Variants in RIMBP2 observed in about 807,000 individuals in gnomAD.
The protein encoded by RIMBP2 is RIMS binding protein 2.
Under a neutral mutation model 118.6 loss-of-function variants are expected in RIMBP2, and 48 were observed. The observed-to-expected ratio is 0.40, with a 90% CI of 0.32 to 0.51. RIMBP2 has a LOEUF of 0.51. RIMBP2 is among the 20% of genes least tolerant of loss of function. The probability of loss-of-function intolerance (pLI) is 0.41; values close to 1 mark genes in which losing one functional copy is unlikely to be tolerated. For missense variants in RIMBP2, 1,551 were observed against 1,768.3 expected (o/e 0.88, Z 2.20); for synonymous variants, 762 against 742.9 (o/e 1.03, Z -0.42).
At chr12:130,610,599 C>T (rs1213588971) in intron 2 of RIMBP2, among the ~76,000 whole-genome samples, 9 of 111,476 alleles carry the variant, frequency 8.1e-5, no homozygotes, top group Admixed American at 5.8e-4. Flanking sequence ...CTCGCTCTGT[C>T]GCCCAGGCTG....
chr12:130,445,972 G>A (rs2078483188), intron 9 of RIMBP2, among the ~76,000 whole-genome samples: 1 of 151,834 alleles, frequency 6.6e-6, no homozygotes, highest in African/African-American at 2.4e-5. Context: ...AAGGTCTTGG[G>A]TGTGGACAGT....
At chr12:130,564,050 A>C in intron 2 of RIMBP2, among the ~76,000 whole-genome samples, 2 of 141,318 alleles carry the variant, frequency 1.4e-5, no homozygotes, top group Non-Finnish European at 3.1e-5. Context: ...GGGCCCTTGC[A>C]CCTCTCTCTG....
chr12:130,583,460 G>C lies in RIMBP2; in HGVS notation c.-217+44862C>G, dbSNP rs531138155. ...ACTACTATTACATCATCACTATCAT[G>C]ACCATTACATCACCATCACCATCAC... On this transcript the variant is annotated intron_variant, in intron 2 of 22. Coordinates refer to ENST00000690449, the MANE Select transcript of RIMBP2 (RefSeq NM_001393629.1). Among the ~76,000 whole-genome samples the C allele has an allele frequency of 7.8e-5, 8 of 103,078 alleles. No individual in the cohort carries two copies. The Admixed American group carries it at 8.8e-4, about 11-fold the overall frequency. The allele number at this position is 103,078 out of a possible 152,430, so 67.6% of individuals were successfully genotyped here. A position where few individuals can be genotyped will look rare whatever the true frequency, so the allele number is the denominator to read the frequency against.
At chr12:130,632,257 C>T (rs1052738615) in intron 1 of RIMBP2, among the ~76,000 whole-genome samples, 1 of 152,200 alleles carries the variant, frequency 6.6e-6, no homozygotes, top group Non-Finnish European at 1.5e-5. Context: ...TAGTGCAAAC[C>T]CCCAAATCCT....
At chr12:130,509,944 G>A (rs2398520) in intron 3 of RIMBP2, among the ~76,000 whole-genome samples, 102,887 of 152,158 alleles carry the variant, frequency 0.68, 35,174 homozygotes, top group Admixed American at 0.76. Flanking sequence ...ATTCAGATTC[G>A]TGTTTCACAG....
intron 12 of RIMBP2, 30 bp downstream of exon 12, chr12:130,438,335 A>ACCGGGGC: frequency 1.2e-6 from 1 of 865,014 alleles, no homozygotes; most frequent in Non-Finnish European, 1.9e-6. Flanking sequence ...GGCCTAACAA[A>ACCGGGGC]CCCTCCCCAC....
chr12:130,646,107 C>G (rs1053970956), intron 1 of RIMBP2, among the ~76,000 whole-genome samples: 1 of 132,546 alleles, frequency 7.5e-6, no homozygotes, highest in Non-Finnish European at 1.7e-5. Context: ...ACCTCCCTCT[C>G]CACCTCCCTC....
At chr12:130,536,676 ATTTAAT>A (rs1412962463) in intron 2 of RIMBP2, among the ~76,000 whole-genome samples, 1 of 152,186 alleles carries the variant, frequency 6.6e-6, no homozygotes. Context: ...ATGTCTGGCT[ATTTAAT>A]TTTAAGTTTA....
chr12:130,474,152 CA>C (rs2081242711), intron 5 of RIMBP2, among the ~76,000 whole-genome samples: 1 of 152,158 alleles, frequency 6.6e-6, no homozygotes, highest in Non-Finnish European at 1.5e-5. Context: ...GAGGAAGCCT[CA>C]GGGTTTCAGA....
At chr12:130,644,451 C>T (rs563750118) in intron 1 of RIMBP2, among the ~76,000 whole-genome samples, 1 of 152,268 alleles carries the variant, frequency 6.6e-6, no homozygotes, top group Admixed American at 6.5e-5. Flanking sequence ...CTACCTGTGG[C>T]CGAATTCATT....
chr12:130,493,886 G>A (rs1035077042), intron 4 of RIMBP2, among the ~76,000 whole-genome samples: 2 of 152,096 alleles, frequency 1.3e-5, no homozygotes, highest in African/African-American at 4.8e-5. Flanking sequence ...ACATTTACCC[G>A]GATATCCGCC....
chr12:130,438,347 C>CCCCCCAACAAAAAAAA lies in RIMBP2; in HGVS notation c.1656+17_1656+18insTTTTTTTTGTTGGGGG. On this transcript the variant is annotated intron_variant, in intron 12 of 22. Transcript: ENST00000690449. Reference sequence around the variant, plus strand: ...TAGGGCCTAACAAACCCTCCCCACCCACCCAACGAAAACTCACCCTCTGCC... The same window carrying CCCCCCAACAAAAAAAA: ...TAGGGCCTAACAAACCCTCCCCACCCCCCCCAACAAAAAAAAACCCAACGAAAACTCACCCTCTGCC... The CCCCCCAACAAAAAAAA allele has an allele frequency of 6.5e-7, 1 of 1,527,304 alleles. No homozygotes were observed. Among genetic ancestry groups the CCCCCCAACAAAAAAAA allele is most frequent in the South Asian group, 1.1e-5 (1 of 89,822 alleles). The allele number at this position is 1,527,304 out of a possible 1,614,324, so 94.6% of individuals were successfully genotyped here. A position where few individuals can be genotyped will look rare whatever the true frequency, so the allele number is the denominator to read the frequency against.
Position 130,710,125 on chromosome 12 carries a change from A to G in RIMBP2, c.-352+6097T>C, listed in dbSNP as rs1287649096. On this transcript the variant is annotated intron_variant, in intron 1 of 22. Transcript: ENST00000690449. The surrounding 1 kb of genome is among the most constrained non-coding windows in gnomAD (Gnocchi z 4.3). ...AGCCCCTGTGGTCCCAGCTGCTCCA[A>G]AAACACCCAAGGAGCAATTTCTGCA... is the stretch of plus-strand genomic sequence containing the variant. 6.6e-6 allele frequency among the ~76,000 whole-genome samples: 1 copy of G among 152,106 alleles called. No individual in the cohort carries two copies. Among genetic ancestry groups the G allele is most frequent in the Non-Finnish European group, 1.5e-5 (1 of 68,008 alleles).
chr12:130,464,112 C>CT (rs1222022398), intron 6 of RIMBP2, among the ~76,000 whole-genome samples: 3 of 152,184 alleles, frequency 2.0e-5, no homozygotes. Flanking sequence ...CAATCTACCC[C>CT]TTTTCAGCAT....
At chr12:130,641,917 C>G (rs1013231938) in intron 1 of RIMBP2, among the ~76,000 whole-genome samples, 1 of 152,100 alleles carries the variant, frequency 6.6e-6, no homozygotes, top group Non-Finnish European at 1.5e-5. Context: ...CAGTGCTGTA[C>G]GTCATTAATC....
intron 12 of RIMBP2, 22 bp downstream of exon 12, chr12:130,438,343 C>CCCCCCCCCCA: frequency 1.4e-6 from 2 of 1,431,036 alleles, no homozygotes; most frequent in Admixed American, 1.7e-5. Context: ...AAACCCTCCC[C>CCCCCCCCCCA]ACCCACCCAA....
At chr12:130,554,402 C>T (rs769742526) in intron 2 of RIMBP2, among the ~76,000 whole-genome samples, 4 of 152,308 alleles carry the variant, frequency 2.6e-5, no homozygotes, top group Non-Finnish European at 2.9e-5. Context: ...CTCCTGAGAT[C>T]CAACACAAAC....
chr12:130,650,161 A>G (rs2063170226), intron 1 of RIMBP2, among the ~76,000 whole-genome samples: 1 of 152,030 alleles, frequency 6.6e-6, no homozygotes, highest in Non-Finnish European at 1.5e-5. Flanking sequence ...TGCCCCCAGC[A>G]CCAAGGGGGC....
At chr12:130,459,551 A>G (rs914801932) in intron 6 of RIMBP2, among the ~76,000 whole-genome samples, 3 of 152,138 alleles carry the variant, frequency 2.0e-5, no homozygotes, top group African/African-American at 7.2e-5. Context: ...CAGGTGGCAT[A>G]CAGAGATGGT....
Sources: allele counts gnomAD v4.1 joint callset (sites outside exome capture counted in the v4.1 genomes callset), GRCh38; gene constraint gnomAD v4.1.1; non-coding constraint Gnocchi (gnomAD v3.1); transcripts MANE v1.5; gene names NCBI Gene and HGNC (gene_info 2026-07-23, HGNC 2026-07-21).